The following ATP6V0C variants were observed in gnomAD, a reference collection of about 807,000 sequenced individuals.
The protein encoded by ATP6V0C is ATPase H+ transporting V0 subunit c, also known as V-type proton ATPase 16 kDa proteolipid subunit c.
Under a neutral mutation model 10.6 loss-of-function variants are expected in ATP6V0C, and 2 were observed. That is an observed-to-expected ratio of 0.19 (90% CI 0.08 to 0.59). ATP6V0C has a LOEUF of 0.59. Ranked by LOEUF, ATP6V0C falls within the 20% of genes least tolerant of loss-of-function variation. The pLI is 0.90. For missense variants in ATP6V0C, 89 were observed against 225.9 expected (o/e 0.39, Z 3.88); for synonymous variants, 128 against 101.3 (o/e 1.26, Z -1.59).
chr16:2,517,709 CTGTTTGTGTGTGTGTGTGTGTG>C (rs1005283615), intron 1 of ATP6V0C: 11 of 118,482 alleles, frequency 9.3e-5, no homozygotes, highest in African/African-American at 3.5e-4. Context: ...GCAGGTCAGG[CTGTTTGTGTGTGTGTGTGTGTG>C]TGTGTGTGTG....
At chr16:2,516,547 C>T (rs2065877973) in intron 1 of ATP6V0C, 1 of 152,558 alleles carries the variant, frequency 6.6e-6, no homozygotes, top group East Asian at 1.9e-4. Context: ...CCAGCTGTGT[C>T]CCCAGCTCCT....
intron 1 of ATP6V0C, chr16:2,517,366 C>G (rs1256406283): frequency 6.6e-6 from 1 of 152,332 alleles, no homozygotes; most frequent in Non-Finnish European, 1.5e-5. Context: ...TCCTTCCTCC[C>G]TCTATAGTCA....
Position 2,520,086 on chromosome 16 carries a change from C to G in ATP6V0C, c.*341C>G, listed in dbSNP as rs2065903962. 1 of 617,166 alleles carries G rather than the reference C, an allele frequency of 1.6e-6. No individual in the cohort carries two copies. The highest frequency in any genetic ancestry group is 3.0e-6 in the Non-Finnish European group (1 of 331,844). 38.2% of individuals were successfully genotyped at this position (617,166 alleles called of 1,614,324 possible). A position where few individuals can be genotyped will look rare whatever the true frequency, so the allele number is the denominator to read the frequency against. On this transcript the variant is annotated 3_prime_UTR_variant, in exon 3 of 3. Coordinates refer to ENST00000330398, the MANE Select transcript of ATP6V0C (RefSeq NM_001694.4). ...GCGTCTGCGGAGCGGCCCTTGTCTC[C>G]CAGCTATCTATAACCTTAGCTAGAG...
At chr16:2,514,928 G>C (rs1484933196) in intron 1 of ATP6V0C, among the ~76,000 whole-genome samples, 1 of 152,204 alleles carries the variant, frequency 6.6e-6, no homozygotes, top group Non-Finnish European at 1.5e-5. Flanking sequence ...CAGAGGGTCT[G>C]TGCTCTGAGG....
chr16:2,514,141 T>C lies in ATP6V0C; in HGVS notation c.38T>C (p.Phe13Ser). 6.3e-7 allele frequency: 1 copy of C among 1,590,672 alleles called. No individual in the cohort carries two copies. Among genetic ancestry groups the C allele is most frequent in the Non-Finnish European group, 8.6e-7 (1 of 1,169,554 alleles). Residue 13 changes from phenylalanine (F) to serine (S), a missense_variant, in exon 1 of 3, where the codon TTT (phenylalanine) becomes TCT (serine). By Grantham distance (155) the Phe-to-Ser change is radical. Transcript: ENST00000330398. The part of the protein sequence containing the change: ...ESKSGPEYAS[F>S]FAVMGASAAM... ...AAGAGCGGCCCCGAGTATGCTTCGT[T>C]TTTCGCCGTCATGGGCGCCTCGGCC...
In ATP6V0C at chr16:2,519,410, T is replaced by C. The variant is rs1342051890; in HGVS notation, c.263+9T>C. ...GACATCAGCCTCTACAAGTGAGCAC[T>C]GGGGTCAGGCCCCTGCCCAGGGCTG... On this transcript the variant is annotated intron_variant, in intron 2 of 2. Coordinates refer to ENST00000330398, the MANE Select transcript of ATP6V0C (RefSeq NM_001694.4). 3.7e-6 allele frequency: 6 copies of C among 1,610,120 alleles called. No individual in the cohort carries two copies. In the African/African-American group the frequency reaches 6.7e-5, roughly 18 times the overall value.
intron 1 of ATP6V0C, among the ~76,000 whole-genome samples, chr16:2,514,668 C>T (rs2065868166): frequency 6.6e-6 from 1 of 152,172 alleles, no homozygotes; most frequent in African/African-American, 2.4e-5. Flanking sequence ...CCCATGTCCC[C>T]CACGGGAGGT....
chr16:2,516,076 C>G (rs1346181851), intron 1 of ATP6V0C, among the ~76,000 whole-genome samples: 1 of 150,582 alleles, frequency 6.6e-6, no homozygotes, highest in Non-Finnish European at 1.5e-5. Context: ...TCTGACTTCA[C>G]TTGGCCAATT....
At position 2,519,905 on chromosome 16, in the gene ATP6V0C, G is replaced by GGC; in HGVS notation, c.*160_*161insGC. The GGC allele has an allele frequency of 9.8e-7, 1 of 1,016,244 alleles. No homozygotes were observed. Among genetic ancestry groups the GGC allele is most frequent in the Non-Finnish European group, 1.5e-6 (1 of 678,922 alleles). The allele number at this position is 1,016,244 out of a possible 1,614,324, so 63.0% of individuals were successfully genotyped here. A position where few individuals can be genotyped will look rare whatever the true frequency, so the allele number is the denominator to read the frequency against. ...GCCCATCGTCTGTTTCCCCGGCCTT[G>GGC]CCCCCGCCCGCCCCGTGCCGTGGAC... On this transcript the variant is annotated 3_prime_UTR_variant, in exon 3 of 3. Coordinates refer to ENST00000330398, the MANE Select transcript of ATP6V0C (RefSeq NM_001694.4).
At chr16:2,516,211 C>T (rs537782104) in intron 1 of ATP6V0C, among the ~76,000 whole-genome samples, 6 of 151,284 alleles carry the variant, frequency 4.0e-5, no homozygotes, top group Non-Finnish European at 7.4e-5. Context: ...CTCCCAGGCT[C>T]AAGCAATCCT....
Position 2,519,829 on chromosome 16 carries a change from A to G in ATP6V0C, c.*84A>G. On this transcript the variant is annotated 3_prime_UTR_variant, in exon 3 of 3. Coordinates refer to ENST00000330398, the MANE Select transcript of ATP6V0C (RefSeq NM_001694.4). The stretch of plus-strand genomic sequence containing the variant: ...AGAACGAACAGCCTGACACATACGC[A>G]CGGGGCCGCCGCCCCCAGTAGTTGG... The G allele has an allele frequency of 6.5e-7, 1 of 1,527,596 alleles. No individual in the cohort carries two copies. 94.6% of individuals were successfully genotyped at this position (1,527,596 alleles called of 1,614,324 possible).
rs900105120 is a variant in ATP6V0C, at chr16:2,519,802, C to T, written c.*57C>T. 1.7e-5 allele frequency: 26 copies of T among 1,575,726 alleles called. No individual in the cohort carries two copies. Among genetic ancestry groups the T allele is most frequent in the Non-Finnish European group, 2.2e-5 (25 of 1,152,054 alleles). On this transcript the variant is annotated 3_prime_UTR_variant, in exon 3 of 3. Coordinates refer to ENST00000330398, the MANE Select transcript of ATP6V0C (RefSeq NM_001694.4). ...TATGTAAAGACCACCCCTCCTCATTCCAGAACGAACAGCCTGACACATACG... is the reference window on the plus strand; with the variant it reads ...TATGTAAAGACCACCCCTCCTCATTTCAGAACGAACAGCCTGACACATACG...
In ATP6V0C at chr16:2,513,959, G is replaced by T. The variant is rs2065862940; in HGVS notation, c.-145G>T. 1.5e-6 allele frequency: 1 copy of T among 674,572 alleles called. No homozygotes were observed. The allele number at this position is 674,572 out of a possible 1,614,324, so 41.8% of individuals were successfully genotyped here. On this transcript the variant is annotated 5_prime_UTR_variant, in exon 1 of 3. Coordinates refer to ENST00000330398, the MANE Select transcript of ATP6V0C (RefSeq NM_001694.4). Reference sequence around the variant, plus strand: ...GGCCGCGGCCGCCATTTTGTTCTGCGGTGCTGGTATTTAGAGCGCAGCGGC... The same window carrying T: ...GGCCGCGGCCGCCATTTTGTTCTGCTGTGCTGGTATTTAGAGCGCAGCGGC...
intron 1 of ATP6V0C, chr16:2,517,499 A>C (rs556680426): frequency 1.3e-5 from 2 of 152,596 alleles, no homozygotes; most frequent in South Asian, 4.1e-4. Context: ...TTGTCTGTGA[A>C]GCCCTTCCCC....
At chr16:2,515,478 C>T (rs1029015160) in intron 1 of ATP6V0C, among the ~76,000 whole-genome samples, 6 of 152,096 alleles carry the variant, frequency 3.9e-5, no homozygotes, top group Admixed American at 3.3e-4. Context: ...TGCGGGCCTC[C>T]TTCTGCCTGG....
intron 1 of ATP6V0C, 105 bp from the exon 2 acceptor site, chr16:2,519,113 G>C (rs1299852877): frequency 3.1e-5 from 41 of 1,312,344 alleles, no homozygotes; most frequent in Non-Finnish European, 3.7e-5. Flanking sequence ...CTCTGCATGT[G>C]ATAACTTGGG....
chr16:2,519,374 C>G lies in ATP6V0C; in HGVS notation c.236C>G (p.Ser79Cys). Residue 79 changes from serine to cysteine, a missense_variant, in exon 2 of 3, where the codon TCC becomes TGC. Ser to Cys is a moderately radical substitution (Grantham distance 112). Transcript: ENST00000330398. Reference sequence around the variant, plus strand: ...GTGGTGGCAGTCCTCATCGCCAACTCCCTGAATGACGACATCAGCCTCTAC... The same window carrying G: ...GTGGTGGCAGTCCTCATCGCCAACTGCCTGAATGACGACATCAGCCTCTAC... ...GLVVAVLIANSLNDDISLYKS... is the reference protein window; with the variant it reads ...GLVVAVLIANCLNDDISLYKS... 1.2e-6 allele frequency: 2 copies of G among 1,613,852 alleles called. No homozygotes were observed. The highest frequency in any genetic ancestry group is 1.7e-6 in the Non-Finnish European group (2 of 1,179,772).
Position 2,519,914 on chromosome 16 carries a change from C to A in ATP6V0C, c.*169C>A. The A allele has an allele frequency of 1.0e-6, 1 of 983,450 alleles. No homozygotes were observed. Among genetic ancestry groups the A allele is most frequent in the Non-Finnish European group, 1.5e-6 (1 of 646,516 alleles). 60.9% of individuals were successfully genotyped at this position (983,450 alleles called of 1,614,324 possible). On this transcript the variant is annotated 3_prime_UTR_variant, in exon 3 of 3. Coordinates refer to ENST00000330398, the MANE Select transcript of ATP6V0C (RefSeq NM_001694.4). ...CTGTTTCCCCGGCCTTGCCCCCGCCCGCCCCGTGCCGTGGACATCTGGGCC... is the reference window on the plus strand; with the variant it reads ...CTGTTTCCCCGGCCTTGCCCCCGCCAGCCCCGTGCCGTGGACATCTGGGCC...
At position 2,519,917 on chromosome 16, in the gene ATP6V0C, CCCGTG is replaced by C; in HGVS notation, c.*178_*182del. 1 of 980,208 alleles carries C rather than the reference CCCGTG, an allele frequency of 1.0e-6. No homozygotes were observed. The highest frequency in any genetic ancestry group is 1.6e-6 in the Non-Finnish European group (1 of 641,670). The allele number at this position is 980,208 out of a possible 1,614,324, so 60.7% of individuals were successfully genotyped here. A position where few individuals can be genotyped will look rare whatever the true frequency, so the allele number is the denominator to read the frequency against. On this transcript the variant is annotated 3_prime_UTR_variant, in exon 3 of 3. Transcript: ENST00000330398. ...TTTCCCCGGCCTTGCCCCCGCCCGCCCCGTGCCGTGGACATCTGGGCCCACTCATC... is the reference window on the plus strand; with the variant it reads ...TTTCCCCGGCCTTGCCCCCGCCCGCCCCGTGGACATCTGGGCCCACTCATC...
Sources: allele counts gnomAD v4.1 joint callset (sites outside exome capture counted in the v4.1 genomes callset), GRCh38; gene constraint gnomAD v4.1.1; transcripts MANE v1.5; gene names NCBI Gene and HGNC (gene_info 2026-07-23, HGNC 2026-07-21).